Variants in ZBTB20 observed in about 807,000 individuals in gnomAD.
The protein encoded by ZBTB20 is zinc finger and BTB domain-containing protein 20.
A neutral mutation model predicts 56.9 loss-of-function variants in ZBTB20; 9 were observed. That is an observed-to-expected ratio of 0.16 (90% CI 0.10 to 0.28). The LOEUF (loss-of-function observed/expected upper bound fraction) is 0.28. Among genes scored for constraint, ZBTB20 ranks in the 10% least tolerant of loss-of-function variants. The pLI, the probability that ZBTB20 is intolerant of heterozygous loss-of-function variation, is 1.00. For missense variants in ZBTB20, 655 were observed against 1,003.0 expected (o/e 0.65, Z 4.69); for synonymous variants, 417 against 420.7 (o/e 0.99, Z 0.11).
chr3:114,399,635 T>C (rs552459168), intron 7 of ZBTB20, among the ~76,000 whole-genome samples: 1 of 152,268 alleles, frequency 6.6e-6, no homozygotes, highest in East Asian at 1.9e-4. Flanking sequence ...TTTACACATG[T>C]GAGAGTGAAA....
intron 6 of ZBTB20, among the ~76,000 whole-genome samples, chr3:114,501,944 G>A (rs1193191551): frequency 6.6e-6 from 1 of 151,936 alleles, no homozygotes; most frequent in Non-Finnish European, 1.5e-5. Flanking sequence ...CTGAACTCAG[G>A]TGATCCACCC....
At chr3:114,352,022 T>A (rs2080720219) in intron 10 of ZBTB20, 144 bp from the exon 11 acceptor site, 1 of 1,048,022 alleles carries the variant, frequency 9.5e-7, no homozygotes, top group Admixed American at 2.8e-5. Flanking sequence ...ATGGACAGGC[T>A]GCGGCATACA....
At chr3:114,446,799 C>T (rs952350851) in intron 7 of ZBTB20, among the ~76,000 whole-genome samples, 2 of 152,144 alleles carry the variant, frequency 1.3e-5, no homozygotes, top group Admixed American at 1.3e-4. Context: ...CAAACTCAGA[C>T]ACGTGGTATG....
intron 2 of ZBTB20, among the ~76,000 whole-genome samples, chr3:115,037,195 A>C (rs2080961152): frequency 6.6e-6 from 1 of 152,202 alleles, no homozygotes; most frequent in African/African-American, 2.4e-5. Context: ...AACAAAGATC[A>C]TGAGATTAAG....
intron 4 of ZBTB20, among the ~76,000 whole-genome samples, chr3:114,821,595 GC>G (rs1233346596): frequency 6.6e-6 from 1 of 151,960 alleles, no homozygotes; most frequent in Non-Finnish European, 1.5e-5. Flanking sequence ...AGTTCCTTGC[GC>G]CCGACCCTAC....
At chr3:114,838,099 TAA>T (rs910956987) in intron 4 of ZBTB20, among the ~76,000 whole-genome samples, 7 of 152,250 alleles carry the variant, frequency 4.6e-5, no homozygotes, top group African/African-American at 1.4e-4. Context: ...CTGTAAAATA[TAA>T]AGAGTAGTTG....
chr3:115,100,701 G>A (rs2083556220), intron 1 of ZBTB20: 1 of 152,188 alleles, frequency 6.6e-6, no homozygotes, highest in African/African-American at 2.4e-5. Flanking sequence ...AGTTCTGGCA[G>A]TACATGTAAT....
At chr3:114,399,545 G>A (rs116531931) in intron 7 of ZBTB20, among the ~76,000 whole-genome samples, 3,087 of 152,160 alleles carry the variant, frequency 0.02, 93 homozygotes, top group African/African-American at 0.069. Flanking sequence ...TTTATTGCAG[G>A]AGATTATTGG....
chr3:114,544,860 A>G (rs1002211141), intron 6 of ZBTB20, among the ~76,000 whole-genome samples: 1 of 152,194 alleles, frequency 6.6e-6, no homozygotes, highest in African/African-American at 2.4e-5. Flanking sequence ...CAAAAATCCT[A>G]TGAGTCATTC....
chr3:114,331,612 G>C lies in ZBTB20; in HGVS notation c.*7393C>G, dbSNP rs913746974. On this transcript the variant is annotated 3_prime_UTR_variant, in exon 12 of 12. Coordinates refer to ENST00000675478, the MANE Select transcript of ZBTB20 (RefSeq NM_001348800.3). ...TGCACACATGTCAATAAATCCAATA[G>C]AACTGTAGAGTTTGTTAAATGCACT... 2 of 152,072 alleles carry C rather than the reference G, an allele frequency of 1.3e-5. No homozygotes were observed. The highest frequency in any genetic ancestry group is 4.8e-5 in the African/African-American group (2 of 41,400). The allele number at this position is 152,072 out of a possible 1,614,324, so 9.4% of individuals were successfully genotyped here.
At chr3:114,834,936 G>A (rs867666) in intron 4 of ZBTB20, among the ~76,000 whole-genome samples, 91,092 of 152,084 alleles carry the variant, frequency 0.6, 30,869 homozygotes, top group East Asian at 0.96. Context: ...TATTTTCACC[G>A]TATTTTCTCA....
intron 8 of ZBTB20, among the ~76,000 whole-genome samples, chr3:114,385,158 T>C (rs942416375): frequency 6.6e-6 from 1 of 152,154 alleles, no homozygotes; most frequent in Admixed American, 6.5e-5. Flanking sequence ...AAAAAATTAG[T>C]TGGAACCTCC....
intron 7 of ZBTB20, among the ~76,000 whole-genome samples, chr3:114,445,184 T>C (rs1214687946): frequency 2.0e-5 from 3 of 152,188 alleles, no homozygotes; most frequent in African/African-American, 7.2e-5. Context: ...ACATCTACTA[T>C]CACACTGGAC....
At chr3:114,624,428 C>T (rs2058530225) in intron 6 of ZBTB20, among the ~76,000 whole-genome samples, 2 of 150,686 alleles carry the variant, frequency 1.3e-5, no homozygotes, top group Non-Finnish European at 2.9e-5. Context: ...GAAAACTTTA[C>T]ACCACACCAG....
rs769549408 is a variant in ZBTB20, at chr3:114,335,608, A to C, written c.*3397T>G. ...CTACCTCTTTGCTCCTCCAGATTAG[A>C]TCTCCCACTCCAATCCAGCTTCTTC... On this transcript the variant is annotated 3_prime_UTR_variant, in exon 12 of 12. Coordinates refer to ENST00000675478, the MANE Select transcript of ZBTB20 (RefSeq NM_001348800.3). 6.6e-6 allele frequency: 1 copy of C among 152,164 alleles called. No individual in the cohort carries two copies. The highest frequency in any genetic ancestry group is 1.5e-5 in the Non-Finnish European group (1 of 68,034). 9.4% of individuals were successfully genotyped at this position (152,164 alleles called of 1,614,324 possible). A position where few individuals can be genotyped will look rare whatever the true frequency, so the allele number is the denominator to read the frequency against.
At chr3:114,652,271 G>A (rs1381796889) in intron 6 of ZBTB20, among the ~76,000 whole-genome samples, 1 of 151,942 alleles carries the variant, frequency 6.6e-6, no homozygotes, top group African/African-American at 2.4e-5. Context: ...CATAACTTAT[G>A]TATACTCTTG....
chr3:115,085,530 A>T (rs2082953479), intron 1 of ZBTB20, among the ~76,000 whole-genome samples: 1 of 152,026 alleles, frequency 6.6e-6, no homozygotes, highest in Admixed American at 6.6e-5. Context: ...GTAAAAGAGC[A>T]AAAACTAATT....
chr3:114,708,671 A>G (rs2063863179), intron 5 of ZBTB20, among the ~76,000 whole-genome samples: 1 of 152,166 alleles, frequency 6.6e-6, no homozygotes, highest in African/African-American at 2.4e-5. Flanking sequence ...TTTTTGGAAT[A>G]CTGTTAAGTG....
intron 5 of ZBTB20, among the ~76,000 whole-genome samples, chr3:114,781,947 CT>C (rs900052611): frequency 6.6e-6 from 1 of 152,228 alleles, no homozygotes; most frequent in East Asian, 1.9e-4. Flanking sequence ...TCCATTAAAC[CT>C]TTTTTTCTTT....
Sources: gnomAD v4.1 joint callset for allele counts (sites outside exome capture counted in the v4.1 genomes callset) on GRCh38, gnomAD v4.1.1 for gene constraint, MANE v1.5 for transcripts, NCBI Gene and HGNC (gene_info 2026-07-23, HGNC 2026-07-21) for gene names.